KDM5A: variants seen among roughly 807,000 people sequenced by gnomAD.
KDM5A encodes lysine-specific demethylase 5A.
Under a neutral mutation model 193.5 loss-of-function variants are expected in KDM5A, and 42 were observed. That is an observed-to-expected ratio of 0.22 (90% CI 0.17 to 0.28). The LOEUF is 0.28. Ranked by LOEUF, KDM5A falls within the 10% of genes least tolerant of loss-of-function variation. The probability of loss-of-function intolerance (pLI) is 1.00; values close to 1 mark genes in which losing one functional copy is unlikely to be tolerated. For synonymous variants in KDM5A, 796 were observed against 718.1 expected, an observed-to-expected ratio of 1.11 and a Z score of -1.73; for missense variants, 1,692 against 2,055.1, an observed-to-expected ratio of 0.82 and a Z score of 3.42.
chr12:348,377 G>GA (rs1428384374), intron 10 of KDM5A, among the ~76,000 whole-genome samples: 1 of 152,150 alleles, frequency 6.6e-6, no homozygotes, highest in Non-Finnish European at 1.5e-5. Context: ...TCTAGAAGTA[G>GA]AAATACCATT....
intron 12 of KDM5A, chr12:332,980 T>TA (rs1183060040): frequency 7.0e-5 from 12 of 170,864 alleles, no homozygotes; most frequent in Admixed American, 6.0e-4. Flanking sequence ...ATTCATACTT[T>TA]AACACTCCCC....
rs2137410551 is a variant in KDM5A, at chr12:323,175, G to A, written c.2182C>T (p.Leu728=). Residue 728 remains leucine, a synonymous_variant, in exon 16 of 28, where the codon CTG becomes TTG. Coordinates refer to ENST00000399788, the MANE Select transcript of KDM5A (RefSeq NM_001042603.3). The part of the protein sequence containing the change: ...YRYPLEDLPS[L]LYGVKVRAQS... Reference sequence around the variant, plus strand: ...GCCCTGACTTTTACACCATATAGCAGAGAAGGGAGGTCTTCTAATGGGTAG... The same window carrying A: ...GCCCTGACTTTTACACCATATAGCAAAGAAGGGAGGTCTTCTAATGGGTAG... 9.1e-7 allele frequency: 1 copy of A among 1,099,376 alleles called. No individual in the cohort carries two copies. Among genetic ancestry groups the A allele is most frequent in the Middle Eastern group, 2.6e-4 (1 of 3,780 alleles). The allele number at this position is 1,099,376 out of a possible 1,614,324, so 68.1% of individuals were successfully genotyped here.
Position 355,292 on chromosome 12 carries a change from G to A in KDM5A, c.779-43C>T, listed in dbSNP as rs774004347. The A allele has an allele frequency of 7.5e-6, 8 of 1,065,762 alleles. No homozygotes were observed. The African/African-American group carries it at 9.3e-5, about 12-fold the overall frequency. The allele number at this position is 1,065,762 out of a possible 1,614,324, so 66.0% of individuals were successfully genotyped here. A position where few individuals can be genotyped will look rare whatever the true frequency, so the allele number is the denominator to read the frequency against. ...CACAATAATAGTAAAAACCAATGTTGAGAGCTTACTATGGACCAGACACTA... is the reference window on the plus strand; with the variant it reads ...CACAATAATAGTAAAAACCAATGTTAAGAGCTTACTATGGACCAGACACTA... On this transcript the variant is annotated intron_variant, in intron 6 of 27. Coordinates refer to ENST00000399788, the MANE Select transcript of KDM5A (RefSeq NM_001042603.3).
At chr12:286,262 ACAGT>A (rs1943218342) in intron 27 of KDM5A, 1 of 466,804 alleles carries the variant, frequency 2.1e-6, no homozygotes, top group Admixed American at 2.4e-5. Context: ...ACCAATTATA[ACAGT>A]CAAAGACACA....
At chr12:363,927 C>A (rs1173480072) in intron 4 of KDM5A, among the ~76,000 whole-genome samples, 3 of 151,932 alleles carry the variant, frequency 2.0e-5, no homozygotes, top group African/African-American at 7.3e-5. Flanking sequence ...AAAAAAAGAT[C>A]TGAACAGACA....
chr12:339,636 T>G (rs887512895), intron 10 of KDM5A, among the ~76,000 whole-genome samples: 2 of 152,172 alleles, frequency 1.3e-5, no homozygotes, highest in South Asian at 2.1e-4. Context: ...TCCAACAAGT[T>G]AATCCAAAAA....
chr12:340,694 CAAAAAAA>C (rs375465074), intron 10 of KDM5A, among the ~76,000 whole-genome samples: 3 of 51,124 alleles, frequency 5.9e-5, no homozygotes, highest in East Asian at 6.7e-4. Context: ...GACTCCATCA[CAAAAAAA>C]AAAAAAAAAA....
At chr12:325,912 G>T (rs555548186) in intron 14 of KDM5A, among the ~76,000 whole-genome samples, 2 of 152,270 alleles carry the variant, frequency 1.3e-5, no homozygotes, top group Admixed American at 6.5e-5. Flanking sequence ...TACCCGGGAG[G>T]CTAAGGCAGG....
chr12:366,688 ATAT>A (rs1944360703), intron 3 of KDM5A, among the ~76,000 whole-genome samples: 1 of 151,942 alleles, frequency 6.6e-6, no homozygotes, highest in South Asian at 2.1e-4. Flanking sequence ...AGTACAGAAT[ATAT>A]TAAGGTAGAA....
chr12:349,057 G>A (rs541892440), intron 10 of KDM5A, among the ~76,000 whole-genome samples: 3 of 141,992 alleles, frequency 2.1e-5, no homozygotes, highest in East Asian at 4.1e-4. Context: ...TTTCACCCTC[G>A]TTGCCCAGGC....
intron 5 of KDM5A, among the ~76,000 whole-genome samples, chr12:362,297 GA>G (rs1944302606): frequency 2.0e-5 from 3 of 151,840 alleles, no homozygotes; most frequent in Non-Finnish European, 4.4e-5. Context: ...GGAAAAAAAA[GA>G]AAAGAAAGAA....
chr12:353,719 G>A (rs1015346315), intron 8 of KDM5A, among the ~76,000 whole-genome samples: 8 of 151,958 alleles, frequency 5.3e-5, no homozygotes, highest in Admixed American at 6.6e-5. Flanking sequence ...TCAAGAGACC[G>A]AGACTATCCT....
intron 3 of KDM5A, among the ~76,000 whole-genome samples, chr12:371,808 G>C (rs1200495660): frequency 1.3e-5 from 2 of 152,250 alleles, no homozygotes; most frequent in East Asian, 3.9e-4. Context: ...TCCAGTTTCA[G>C]CTTTCTACAT....
intron 13 of KDM5A, among the ~76,000 whole-genome samples, chr12:330,218 AC>A (rs1943849130): frequency 1.3e-5 from 2 of 152,066 alleles, no homozygotes; most frequent in African/African-American, 2.4e-5. Context: ...AAAAAATCAT[AC>A]TGTGGGATTT....
At chr12:308,571 G>T (rs1381266449) in intron 22 of KDM5A, among the ~76,000 whole-genome samples, 3 of 152,168 alleles carry the variant, frequency 2.0e-5, no homozygotes, top group East Asian at 3.8e-4. Context: ...ACGATCAGTT[G>T]TAACAACAGA....
chr12:374,427 T>C (rs1022449244), intron 3 of KDM5A, among the ~76,000 whole-genome samples: 3 of 152,234 alleles, frequency 2.0e-5, no homozygotes, highest in African/African-American at 4.8e-5. Context: ...ATTTGCTTGG[T>C]AGATCTTCCT....
chr12:377,626 A>G (rs1944523288), intron 3 of KDM5A, among the ~76,000 whole-genome samples: 1 of 152,232 alleles, frequency 6.6e-6, no homozygotes, highest in Admixed American at 6.5e-5. Flanking sequence ...AACTACTAAT[A>G]AAGTTTAAGA....
At chr12:295,487 A>ACCC (rs1347320506) in intron 26 of KDM5A, 86 bp downstream of exon 26, 5 of 1,259,966 alleles carry the variant, frequency 4.0e-6, no homozygotes, top group Middle Eastern at 2.1e-4. Flanking sequence ...GCCCTCAGCC[A>ACCC]CCCCTTTGCC....
chr12:333,251 T>C (rs1943885458), intron 12 of KDM5A: 1 of 538,474 alleles, frequency 1.9e-6, no homozygotes, highest in Non-Finnish European at 3.3e-6. Context: ...AGGCTTCGTC[T>C]CTACAAAAAA....
Sources: gnomAD v4.1 joint callset for allele counts (sites outside exome capture counted in the v4.1 genomes callset) on GRCh38, gnomAD v4.1.1 for gene constraint, MANE v1.5 for transcripts, NCBI Gene and HGNC (gene_info 2026-07-23, HGNC 2026-07-21) for gene names.